USP25: variants seen among roughly 807,000 people sequenced by gnomAD.
USP25 encodes ubiquitin specific peptidase 25, also known as ubiquitin carboxyl-terminal hydrolase 25.
A neutral mutation model predicts 158.5 loss-of-function variants in USP25; 85 were observed. The ratio of observed to expected loss-of-function variants is 0.54; its 90% confidence interval spans 0.45 to 0.64. The LOEUF is 0.64. USP25 is among the 30% of genes least tolerant of loss of function. The pLI, the probability that USP25 is intolerant of heterozygous loss-of-function variation, is 0.00. For synonymous variants in USP25, 464 were observed against 460.4 expected (o/e 1.01, Z -0.10); for missense variants, 1,242 against 1,327.3 (o/e 0.94, Z 1.00).
intron 22 of USP25, among the ~76,000 whole-genome samples, chr21:15,868,030 G>T (rs2039731433): frequency 6.6e-6 from 1 of 152,102 alleles, no homozygotes; most frequent in African/African-American, 2.4e-5. Context: ...GAAATGCAAA[G>T]ATCCCAGTCC....
intron 3 of USP25, among the ~76,000 whole-genome samples, chr21:15,775,682 TA>T (rs1329648688): frequency 6.8e-6 from 1 of 146,540 alleles, no homozygotes; most frequent in African/African-American, 2.6e-5. Context: ...TGGAACAACT[TA>T]AATCTTTTCA....
chr21:15,845,970 G>T (rs974414489), intron 18 of USP25, among the ~76,000 whole-genome samples: 12 of 151,238 alleles, frequency 7.9e-5, no homozygotes, highest in Non-Finnish European at 1.5e-4. Flanking sequence ...TCATTTTATA[G>T]AACAGCCGTT....
chr21:15,758,036 A>G (rs915784294), intron 1 of USP25, among the ~76,000 whole-genome samples: 2 of 152,208 alleles, frequency 1.3e-5, no homozygotes, highest in African/African-American at 2.4e-5. Context: ...TGTGTAACTG[A>G]GACTCTGCTT....
intron 24 of USP25, among the ~76,000 whole-genome samples, chr21:15,874,989 A>AC (rs886772195): frequency 1.1e-4 from 16 of 152,192 alleles, no homozygotes; most frequent in Admixed American, 7.2e-4. Flanking sequence ...ACGTGGTGAA[A>AC]CCCCATCTCG....
At chr21:15,840,247 T>C (rs1453553212) in intron 17 of USP25, among the ~76,000 whole-genome samples, 4 of 152,192 alleles carry the variant, frequency 2.6e-5, no homozygotes, top group Non-Finnish European at 5.9e-5. Context: ...GGCAGCATTA[T>C]CTCAAGTATG....
intron 15 of USP25, 133 bp from the exon 16 acceptor site, chr21:15,831,268 G>C: frequency 1.3e-6 from 1 of 751,250 alleles, no homozygotes; most frequent in Admixed American, 2.9e-5. Flanking sequence ...TTTAAGCCCA[G>C]CCAGTTCTCT....
At chr21:15,772,410 A>G (rs1028916072) in intron 3 of USP25, among the ~76,000 whole-genome samples, 1 of 152,214 alleles carries the variant, frequency 6.6e-6, no homozygotes, top group Non-Finnish European at 1.5e-5. Flanking sequence ...AGTGGCACCC[A>G]GCTAACTGTT....
At chr21:15,842,682 C>G in intron 18 of USP25, 142 bp downstream of exon 18, 1 of 920,642 alleles carries the variant, frequency 1.1e-6, no homozygotes, top group Non-Finnish European at 1.6e-6. Flanking sequence ...TGACCATGGG[C>G]AAGTCATCTC....
In USP25 at chr21:15,878,558, CTGCTATAGT is replaced by C; in HGVS notation, c.*85_*93del. ...TTCCTGTCACAGGGTTTGCTTGTTG[CTGCTATAGT>C]TTTTAACTTTTTTTTATTTTAATAA... On this transcript the variant is annotated 3_prime_UTR_variant, in exon 26 of 26. Coordinates refer to ENST00000400183, the MANE Select transcript of USP25 (RefSeq NM_001283041.3). 1 of 1,431,204 alleles carries C rather than the reference CTGCTATAGT, an allele frequency of 7.0e-7. No individual in the cohort carries two copies. The highest frequency in any genetic ancestry group is 9.3e-7 in the Non-Finnish European group (1 of 1,074,914). The allele number at this position is 1,431,204 out of a possible 1,614,324, so 88.7% of individuals were successfully genotyped here.
rs115961922 is a variant in USP25 at position 15,734,283 on chromosome 21, T to C, written c.45+3845T>C. On this transcript the variant is annotated intron_variant, in intron 1 of 25. Transcript: ENST00000400183. ...CAGACTGGATTCAGGGTAAATTTCT[T>C]ACTTAAAATAACATGTATTTTCCAA... Among the ~76,000 whole-genome samples the C allele has an allele frequency of 1.8e-3, 281 of 152,304 alleles. 4 individuals carry two copies. The highest frequency in any genetic ancestry group is 6.6e-3 in the African/African-American group (273 of 41,564).
intron 14 of USP25, among the ~76,000 whole-genome samples, chr21:15,829,376 A>T (rs1215714971): frequency 6.6e-6 from 1 of 152,096 alleles, no homozygotes; most frequent in Non-Finnish European, 1.5e-5. Flanking sequence ...TCTGGTTCAG[A>T]GTGTGTATAT....
At position 15,847,742 on chromosome 21, in the gene USP25, T is replaced by A. The variant is rs1356789368; in HGVS notation, c.2417T>A (p.Met806Lys). ...EVAIPHVGKF[M>K]IESKEGGYDD... ...GCGATCCCTCATGTAGGGAAATTTA[T>A]GATTGAATCAAAGGAGGGGGGGTAT... Residue 806 changes from methionine to lysine, a missense_variant, in exon 19 of 26, where the codon ATG becomes AAG. Physicochemically the swap from Met to Lys is moderately conservative, Grantham distance 95. Coordinates refer to ENST00000400183, the MANE Select transcript of USP25 (RefSeq NM_001283041.3). 6.5e-7 allele frequency: 1 copy of A among 1,550,116 alleles called. No homozygotes were observed. Among genetic ancestry groups the A allele is most frequent in the Non-Finnish European group, 8.7e-7 (1 of 1,146,636 alleles).
At chr21:15,834,400 C>T (rs189388787) in intron 17 of USP25, among the ~76,000 whole-genome samples, 333 of 151,982 alleles carry the variant, frequency 2.2e-3, no homozygotes, top group Admixed American at 5.6e-3. Context: ...ACTCATTTGT[C>T]TCTTTTTATA....
intron 1 of USP25, 38 bp from the exon 2 acceptor site, chr21:15,762,853 T>C (rs1168010618): frequency 6.4e-7 from 1 of 1,555,584 alleles, no homozygotes; most frequent in Non-Finnish European, 8.8e-7. Context: ...ATTTTCAGAG[T>C]TGAGAATATA....
At chr21:15,769,499 A>G (rs1467205609) in intron 3 of USP25, among the ~76,000 whole-genome samples, 2 of 152,140 alleles carry the variant, frequency 1.3e-5, no homozygotes, top group South Asian at 2.1e-4. Flanking sequence ...AATATTATAG[A>G]TTGTCAAATG....
rs375078185 is a variant in USP25, at chr21:15,875,460, G to A, written c.3009+934G>A. On this transcript the variant is annotated intron_variant, in intron 24 of 25. Coordinates refer to ENST00000400183, the MANE Select transcript of USP25 (RefSeq NM_001283041.3). The surrounding 1 kb of genome is among the most constrained non-coding windows in gnomAD (Gnocchi z 4.7). ...TTTTCACGTTGTATATTTACAAAGTGTCAGGTTCTGAGGGATACAAACATG... is the reference window on the plus strand; with the variant it reads ...TTTTCACGTTGTATATTTACAAAGTATCAGGTTCTGAGGGATACAAACATG... Among the ~76,000 whole-genome samples the A allele has an allele frequency of 7.6e-4, 116 of 152,308 alleles. No homozygotes were observed. Among genetic ancestry groups the A allele is most frequent in the Middle Eastern group, 3.4e-3 (1 of 294 alleles).
intron 16 of USP25, among the ~76,000 whole-genome samples, chr21:15,832,312 A>G (rs1601065597): frequency 6.6e-6 from 1 of 152,210 alleles, no homozygotes; most frequent in East Asian, 1.9e-4. Context: ...CTATGTCTGA[A>G]TCTTTTTAAT....
At chr21:15,786,605 T>C (rs529962550) in intron 4 of USP25, among the ~76,000 whole-genome samples, 7 of 152,034 alleles carry the variant, frequency 4.6e-5, no homozygotes, top group South Asian at 2.1e-4. Flanking sequence ...AAAATAGATA[T>C]AGAAAGTATG....
chr21:15,739,643 C>G (rs2031853371), intron 1 of USP25, among the ~76,000 whole-genome samples: 2 of 152,252 alleles, frequency 1.3e-5, no homozygotes, highest in South Asian at 4.1e-4. Context: ...GTCTTTCTTC[C>G]CCTGACACTG....
Sources: gnomAD v4.1 joint callset for allele counts (sites outside exome capture counted in the v4.1 genomes callset) on GRCh38, gnomAD v4.1.1 for gene constraint, Gnocchi (gnomAD v3.1) non-coding constraint, MANE v1.5 for transcripts, NCBI Gene and HGNC (gene_info 2026-07-23, HGNC 2026-07-21) for gene names.